BICD1: variants seen among roughly 807,000 people sequenced by gnomAD.
The protein encoded by BICD1 is BICD cargo adaptor 1, also known as protein bicaudal D homolog 1.
BICD1 carries 35 observed loss-of-function variants against 92.5 expected under a neutral mutation model. The observed-to-expected ratio is 0.38, with a 90% CI of 0.29 to 0.50. BICD1 has a LOEUF of 0.50. Ranked by LOEUF, BICD1 falls within the 20% of genes least tolerant of loss-of-function variation. The pLI is 0.93. For missense variants in BICD1, 950 were observed against 1,189.8 expected, an observed-to-expected ratio of 0.80 and a Z score of 2.97; for synonymous variants, 429 against 465.1, an observed-to-expected ratio of 0.92 and a Z score of 1.00.
intron 2 of BICD1, among the ~76,000 whole-genome samples, chr12:32,246,100 A>T (rs73310765): frequency 0.039 from 5,892 of 150,242 alleles, 433 homozygotes; most frequent in African/African-American, 0.14. Context: ...ACCCAAAGGC[A>T]TATTTAAAGA....
chr12:32,295,265 T>A (rs1199600122), intron 3 of BICD1, among the ~76,000 whole-genome samples: 1 of 152,158 alleles, frequency 6.6e-6, no homozygotes, highest in Non-Finnish European at 1.5e-5. Context: ...GAATCTGTAA[T>A]TTTAGAAGAA....
At position 32,382,174 on chromosome 12, in the gene BICD1, C is replaced by T. The variant is rs150149626; in HGVS notation, c.*4547C>T. The T allele has an allele frequency of 2.0e-5, 3 of 152,130 alleles. No homozygotes were observed. Among genetic ancestry groups the T allele is most frequent in the South Asian group, 4.1e-4 (2 of 4,824 alleles). 9.4% of individuals were successfully genotyped at this position (152,130 alleles called of 1,614,324 possible). A position where few individuals can be genotyped will look rare whatever the true frequency, so the allele number is the denominator to read the frequency against. ...AGTCCCTAATGTATTGCGTTTGTAA[C>T]CTGATCGTATTATGTTTACAGCTGA... On this transcript the variant is annotated 3_prime_UTR_variant, in exon 10 of 10. Transcript: ENST00000652176.
intron 1 of BICD1, among the ~76,000 whole-genome samples, chr12:32,210,067 C>T (rs1945168253): frequency 1.3e-5 from 2 of 152,066 alleles, no homozygotes; most frequent in South Asian, 4.1e-4. Flanking sequence ...TATGCCATGC[C>T]ATGCACCTAT....
At chr12:32,268,343 A>C (rs576830260) in intron 2 of BICD1, among the ~76,000 whole-genome samples, 8 of 152,306 alleles carry the variant, frequency 5.3e-5, no homozygotes, top group African/African-American at 1.7e-4. Context: ...CCCAGATATG[A>C]ACAGATGTGC....
At chr12:32,314,563 T>C (rs1333037569) in intron 4 of BICD1, among the ~76,000 whole-genome samples, 1 of 152,248 alleles carries the variant, frequency 6.6e-6, no homozygotes, top group Admixed American at 6.5e-5. Context: ...ATCTGCTCTT[T>C]TATATCTTCT....
chr12:32,310,823 T>C (rs894840448), intron 4 of BICD1, among the ~76,000 whole-genome samples: 8 of 152,236 alleles, frequency 5.3e-5, no homozygotes, highest in African/African-American at 1.9e-4. Flanking sequence ...ATGTTGTACA[T>C]GATAAATATG....
At chr12:32,130,883 G>A (rs1942522393) in intron 1 of BICD1, among the ~76,000 whole-genome samples, 1 of 152,056 alleles carries the variant, frequency 6.6e-6, no homozygotes, top group Admixed American at 6.6e-5. Context: ...TGTCGCCCAG[G>A]TTGGAGTTCA....
chr12:32,334,398 T>C, intron 5 of BICD1, 118 bp from the exon 6 acceptor site: 2 of 1,099,198 alleles, frequency 1.8e-6, no homozygotes, highest in East Asian at 5.5e-5. Flanking sequence ...ATATAAAATG[T>C]AACCAAATCA....
rs143746829 is a variant in BICD1 at position 32,316,976 on chromosome 12, G to C, written c.1006-10485G>C. ...CTGTGTTTGGTTTTTTTGTCCTTGC[G>C]GTAGTTTGCTGAGAATGATGGTTTC... On this transcript the variant is annotated intron_variant, in intron 4 of 9. Transcript: ENST00000652176. 2.0e-5 allele frequency among the ~76,000 whole-genome samples: 3 copies of C among 152,086 alleles called. No homozygotes were observed. The East Asian group carries it at 5.8e-4, about 29-fold the overall frequency.
In BICD1 at chr12:32,305,765, G is replaced by A; in HGVS notation, c.648G>A (p.Gln216=). 2 of 1,614,176 alleles carry A rather than the reference G, an allele frequency of 1.2e-6. No individual in the cohort carries two copies. The highest frequency in any genetic ancestry group is 1.7e-6 in the Non-Finnish European group (2 of 1,180,028). Reference sequence around the variant, plus strand: ...AGGAGACGGTACTGCTGAACAGCCAGCTGGAAGATGCCATCCGATTGAAAG... The same window carrying A: ...AGGAGACGGTACTGCTGAACAGCCAACTGGAAGATGCCATCCGATTGAAAG... ...FEEETVLLNS[Q]LEDAIRLKEI... is the part of the protein sequence containing the mutation. The change falls in exon 4 of 10, where the codon CAG becomes CAA. Residue 216 remains glutamine, a synonymous_variant. Transcript: ENST00000652176.
chr12:32,265,250 C>T (rs1946960066), intron 2 of BICD1, among the ~76,000 whole-genome samples: 1 of 152,088 alleles, frequency 6.6e-6, no homozygotes, highest in Admixed American at 6.6e-5. Flanking sequence ...CAGCTGCTTC[C>T]TGTACTTCGT....
At chr12:32,339,969 C>T in intron 8 of BICD1, 1 of 824,940 alleles carries the variant, frequency 1.2e-6, no homozygotes, top group Non-Finnish European at 1.5e-6. Flanking sequence ...GCTGTTAGGG[C>T]AAGCTTCGCA....
chr12:32,165,555 C>T (rs911451317), intron 1 of BICD1, among the ~76,000 whole-genome samples: 1 of 151,194 alleles, frequency 6.6e-6, no homozygotes, highest in African/African-American at 2.4e-5. Flanking sequence ...CGTGGTGGTG[C>T]GTGCCTATAG....
rs531852684 is a variant in BICD1 at position 32,246,380 on chromosome 12, G to C, written c.426+29921G>C. On this transcript the variant is annotated intron_variant, in intron 2 of 9. Transcript: ENST00000652176. Reference sequence around the variant, plus strand: ...AGGCCAGGCACGGTGGCTCACACTTGTAATCCCAGCATTTTGGGTGGCCAA... The same window carrying C: ...AGGCCAGGCACGGTGGCTCACACTTCTAATCCCAGCATTTTGGGTGGCCAA... Among the ~76,000 whole-genome samples the C allele has an allele frequency of 5.6e-4, 85 of 151,800 alleles. 1 individual carries two copies. Among genetic ancestry groups the C allele is most frequent in the Admixed American group, 4.0e-3 (61 of 15,214 alleles).
chr12:32,142,453 C>CCTATCTATTTATCCTATCTATCTATCTAT (rs1942964955), intron 1 of BICD1, among the ~76,000 whole-genome samples: 38 of 112,892 alleles, frequency 3.4e-4, no homozygotes, highest in Admixed American at 1.9e-4. Flanking sequence ...ACCTATCTAT[C>CCTATCTATTTATCCTATCTATCTATCTAT]CTATCTATCT....
intron 1 of BICD1, among the ~76,000 whole-genome samples, chr12:32,194,635 A>C (rs1381395266): frequency 6.6e-6 from 1 of 151,846 alleles, no homozygotes; most frequent in East Asian, 1.9e-4. Context: ...TAATCCCAAC[A>C]TTTTGGGAGG....
chr12:32,239,837 A>T (rs947962472), intron 2 of BICD1, among the ~76,000 whole-genome samples: 1 of 151,668 alleles, frequency 6.6e-6, no homozygotes, highest in Non-Finnish European at 1.5e-5. Context: ...CAAACTCCCA[A>T]CCTCAAGTGA....
At chr12:32,318,659 A>T (rs902185794) in intron 4 of BICD1, among the ~76,000 whole-genome samples, 1 of 152,320 alleles carries the variant, frequency 6.6e-6, no homozygotes, top group East Asian at 1.9e-4. Flanking sequence ...GTTTGAGACC[A>T]GCCTGACCAA....
intron 1 of BICD1, among the ~76,000 whole-genome samples, chr12:32,209,737 CTAGG>C (rs75207036): frequency 0.18 from 27,494 of 152,100 alleles, 2,956 homozygotes; most frequent in East Asian, 0.28. Flanking sequence ...AGGCCAGGTT[CTAGG>C]TCACTCCCTC....
Sources: allele counts gnomAD v4.1 joint callset (sites outside exome capture counted in the v4.1 genomes callset), GRCh38; gene constraint gnomAD v4.1.1; transcripts MANE v1.5; gene names NCBI Gene and HGNC (gene_info 2026-07-23, HGNC 2026-07-21).